GNAI1: variants seen among roughly 807,000 people sequenced by gnomAD.
GNAI1 encodes guanine nucleotide-binding protein G(i) subunit alpha-1.
In GNAI1, 11 loss-of-function variants were observed where a neutral mutation model predicts 38.9. The observed-to-expected ratio is 0.28, with a 90% CI of 0.18 to 0.47. The LOEUF (loss-of-function observed/expected upper bound fraction) is 0.47. Ranked by LOEUF, GNAI1 falls within the 20% of genes least tolerant of loss-of-function variation. The pLI is 0.99. For missense variants in GNAI1, 317 were observed against 436.9 expected (o/e 0.73, Z 2.45); for synonymous variants, 166 against 145.1 (o/e 1.14, Z -1.04).
rs1009746807 is a variant in GNAI1 at position 80,225,740 on chromosome 7, A to G, written c.*8247A>G. Among the ~76,000 whole-genome samples the G allele has an allele frequency of 1.3e-5, 2 of 152,240 alleles. No homozygotes were observed. Among genetic ancestry groups the G allele is most frequent in the African/African-American group, 4.8e-5 (2 of 41,462 alleles). On this transcript the variant is annotated 3_prime_UTR_variant, in exon 8 of 8. Coordinates refer to ENST00000649796, the MANE Select transcript of GNAI1 (RefSeq NM_002069.6). ...GGTTTGCTCTTTAACAGTCAATAAA[A>G]TCATATCTACTAATCAATACATTTG...
intron 3 of GNAI1, among the ~76,000 whole-genome samples, chr7:80,192,738 C>A (rs112010773): frequency 8.5e-5 from 13 of 152,134 alleles, no homozygotes; most frequent in African/African-American, 2.6e-4. Flanking sequence ...CTCTTGTTGC[C>A]AGGCTTCAGT....
chr7:80,173,015 C>T (rs1788122838), intron 1 of GNAI1, among the ~76,000 whole-genome samples: 1 of 152,114 alleles, frequency 6.6e-6, no homozygotes. Flanking sequence ...GACTGTATTT[C>T]CTAGCCTTTC....
At chr7:80,188,772 A>G (rs1299085240) in intron 1 of GNAI1, among the ~76,000 whole-genome samples, 179 bp from the exon 2 acceptor site, 1 of 152,052 alleles carries the variant, frequency 6.6e-6, no homozygotes, top group East Asian at 1.9e-4. Context: ...ATACTTATTC[A>G]TCCTACATAT....
intron 1 of GNAI1, among the ~76,000 whole-genome samples, chr7:80,160,960 G>C (rs1787914804): frequency 6.6e-6 from 1 of 152,074 alleles, no homozygotes; most frequent in South Asian, 2.1e-4. Flanking sequence ...CACAAACCAA[G>C]TGGCTCCCTA....
rs796832735 is a variant in GNAI1 at position 80,199,472 on chromosome 7, C to T, written c.461+90C>T. On this transcript the variant is annotated intron_variant, in intron 4 of 7. Coordinates refer to ENST00000649796, the MANE Select transcript of GNAI1 (RefSeq NM_002069.6). ...CAAGTCAATTTTACTGCAGAATTGGCTGACACATTCTTGTACAACTTAGGA... is the reference window on the plus strand; with the variant it reads ...CAAGTCAATTTTACTGCAGAATTGGTTGACACATTCTTGTACAACTTAGGA... 17 of 934,174 alleles carry T rather than the reference C, an allele frequency of 1.8e-5. No homozygotes were observed. In the African/African-American group the frequency reaches 2.8e-4, roughly 15 times the overall value. 57.9% of individuals were successfully genotyped at this position (934,174 alleles called of 1,614,324 possible).
intron 7 of GNAI1, among the ~76,000 whole-genome samples, chr7:80,217,057 G>A (rs780160648): frequency 2.6e-5 from 4 of 151,956 alleles, no homozygotes; most frequent in Non-Finnish European, 4.4e-5. Context: ...TGATGAACAC[G>A]GAATGCCATG....
chr7:80,135,129 G>C lies in GNAI1; in HGVS notation c.-32G>C. ...CTTGGAGCCCGCACTCGGGCGCGGAGGGAGCGGCGGCAGGCTCTCGCTTTC... is the reference window on the plus strand; with the variant it reads ...CTTGGAGCCCGCACTCGGGCGCGGACGGAGCGGCGGCAGGCTCTCGCTTTC... On this transcript the variant is annotated 5_prime_UTR_variant, in exon 1 of 8. Coordinates refer to ENST00000649796, the MANE Select transcript of GNAI1 (RefSeq NM_002069.6). The C allele has an allele frequency of 7.0e-7, 1 of 1,420,104 alleles. No homozygotes were observed. Among genetic ancestry groups the C allele is most frequent in the South Asian group, 1.5e-5 (1 of 67,952 alleles). 88.0% of individuals were successfully genotyped at this position (1,420,104 alleles called of 1,614,324 possible). A position where few individuals can be genotyped will look rare whatever the true frequency, so the allele number is the denominator to read the frequency against.
chr7:80,175,165 T>C (rs1225319731), intron 1 of GNAI1, among the ~76,000 whole-genome samples: 1 of 152,184 alleles, frequency 6.6e-6, no homozygotes, highest in Admixed American at 6.5e-5. Flanking sequence ...GCCATTCACT[T>C]CAAGGAAAAT....
Position 80,199,134 on chromosome 7 carries a change from CTT to C in GNAI1, c.304-81_304-80del, listed in dbSNP as rs57711391. On this transcript the variant is annotated intron_variant, in intron 3 of 7. Coordinates refer to ENST00000649796, the MANE Select transcript of GNAI1 (RefSeq NM_002069.6). Reference sequence around the variant, plus strand: ...AAAAACAAAGGAAGTTCGCTATTGCCTTTTTTTTTTTAACTCTAGAATTGTCT... The same window carrying C: ...AAAAACAAAGGAAGTTCGCTATTGCCTTTTTTTTTAACTCTAGAATTGTCT... 2.2e-3 allele frequency: 1,742 copies of C among 781,444 alleles called. 1 individual carries two copies. Among genetic ancestry groups the C allele is most frequent in the South Asian group, 4.2e-3 (158 of 37,640 alleles). 48.4% of individuals were successfully genotyped at this position (781,444 alleles called of 1,614,324 possible).
At chr7:80,199,163 C>T in intron 3 of GNAI1, 62 bp from the exon 4 acceptor site, 3 of 1,187,292 alleles carry the variant, frequency 2.5e-6, no homozygotes, top group South Asian at 3.6e-5. Context: ...GAATTGTCTC[C>T]TTTGTACTTT....
At position 80,135,170 on chromosome 7, in the gene GNAI1, A is replaced by G; in HGVS notation, c.10A>G (p.Thr4Ala). 3 of 1,535,352 alleles carry G rather than the reference A, an allele frequency of 2.0e-6. No homozygotes were observed. The highest frequency in any genetic ancestry group is 2.6e-6 in the Non-Finnish European group (3 of 1,141,640). Residue 4 changes from threonine (T) to alanine (A), a missense_variant, in exon 1 of 8, where the codon ACG (threonine) becomes GCG (alanine). Transcript: ENST00000649796. The part of the protein sequence containing the change: MGC[T>A]LSAEDKAAVE... ...TCTCGCTTTCGGCACCATGGGCTGC[A>G]CGCTGAGCGCCGAGGACAAGGCGGC...
intron 1 of GNAI1, among the ~76,000 whole-genome samples, chr7:80,163,960 T>G (rs2116136632): frequency 6.7e-6 from 1 of 148,494 alleles, no homozygotes; most frequent in South Asian, 2.1e-4. Flanking sequence ...GTCAAACTGG[T>G]GCTTTCTTTT....
chr7:80,198,873 GTTC>G (rs760851524), intron 3 of GNAI1, among the ~76,000 whole-genome samples: 1 of 152,088 alleles, frequency 6.6e-6, no homozygotes, highest in Non-Finnish European at 1.5e-5. Context: ...GAAGACATAG[GTTC>G]TTCTTCTGTT....
At chr7:80,205,816 C>T (rs992383001) in intron 5 of GNAI1, among the ~76,000 whole-genome samples, 2 of 151,920 alleles carry the variant, frequency 1.3e-5, no homozygotes, top group African/African-American at 4.8e-5. Flanking sequence ...TATCCCATGT[C>T]GTTATTGAAA....
intron 4 of GNAI1, among the ~76,000 whole-genome samples, chr7:80,199,609 A>T (rs1297931998): frequency 2.0e-5 from 3 of 152,082 alleles, no homozygotes; most frequent in Non-Finnish European, 4.4e-5. Flanking sequence ...ATGCTATGTA[A>T]CTCTAATTGA....
chr7:80,171,171 G>A lies in GNAI1; in HGVS notation c.119-17780G>A, dbSNP rs190912096. Reference sequence around the variant, plus strand: ...ATGTGATGCCTGTTTACCTACGTACGCCTTTTCTGATTAGTATTTACTTGC... The same window carrying A: ...ATGTGATGCCTGTTTACCTACGTACACCTTTTCTGATTAGTATTTACTTGC... On this transcript the variant is annotated intron_variant, in intron 1 of 7. Transcript: ENST00000649796. Among the ~76,000 whole-genome samples the A allele has an allele frequency of 3.3e-5, 5 of 152,178 alleles. No individual in the cohort carries two copies. In the South Asian group the frequency reaches 6.2e-4, roughly 19 times the overall value.
intron 1 of GNAI1, among the ~76,000 whole-genome samples, chr7:80,170,865 T>G (rs1788089188): frequency 6.6e-6 from 1 of 152,212 alleles, no homozygotes; most frequent in Admixed American, 6.5e-5. Flanking sequence ...CCTGGCAGTT[T>G]GCTCCATTAG....
chr7:80,148,483 A>T (rs1406657778), intron 1 of GNAI1, among the ~76,000 whole-genome samples: 1 of 152,004 alleles, frequency 6.6e-6, no homozygotes, highest in Non-Finnish European at 1.5e-5. Context: ...GTATTTGGGT[A>T]TATGTCGACG....
At chr7:80,156,564 G>T (rs1290556929) in intron 1 of GNAI1, among the ~76,000 whole-genome samples, 1 of 152,132 alleles carries the variant, frequency 6.6e-6, no homozygotes, top group South Asian at 2.1e-4. Flanking sequence ...AAGTAACTGG[G>T]ACTGCAGGTA....
Sources: gnomAD v4.1 joint callset for allele counts (sites outside exome capture counted in the v4.1 genomes callset) on GRCh38, gnomAD v4.1.1 for gene constraint, MANE v1.5 for transcripts, NCBI Gene and HGNC (gene_info 2026-07-23, HGNC 2026-07-21) for gene names.